The following ROBO1 variants were observed in gnomAD, a reference collection of about 807,000 sequenced individuals.
ROBO1 encodes roundabout homolog 1.
In ROBO1, 149 loss-of-function variants were observed where a neutral mutation model predicts 195.9. The ratio of observed to expected loss-of-function variants is 0.76; its 90% confidence interval spans 0.67 to 0.87. The LOEUF is 0.87. ROBO1 is among the 40% of genes least tolerant of loss of function. The pLI, the probability that ROBO1 is intolerant of heterozygous loss-of-function variation, is 0.00. For missense variants in ROBO1, 1,933 were observed against 2,068.3 expected, an observed-to-expected ratio of 0.93 and a Z score of 1.27; for synonymous variants, 816 against 733.2, an observed-to-expected ratio of 1.11 and a Z score of -1.82.
chr3:78,997,972 T>C (rs954729806), intron 3 of ROBO1, among the ~76,000 whole-genome samples: 2 of 152,292 alleles, frequency 1.3e-5, no homozygotes, highest in African/African-American at 4.8e-5. Context: ...TGTTTTAGTA[T>C]ATGTTGGACC....
At chr3:78,997,559 C>G (rs369617112) in intron 3 of ROBO1, among the ~76,000 whole-genome samples, 119 of 152,176 alleles carry the variant, frequency 7.8e-4, no homozygotes, top group African/African-American at 2.7e-3. Context: ...TCTAGGCACA[C>G]AGAGATCAAG....
intron 1 of ROBO1, among the ~76,000 whole-genome samples, chr3:79,713,884 G>A (rs1164482863): frequency 6.6e-6 from 1 of 152,088 alleles, no homozygotes; most frequent in Non-Finnish European, 1.5e-5. Context: ...TGTCAGGTTT[G>A]TCAGAGATCA....
chr3:78,720,917 C>T (rs1275734792), intron 5 of ROBO1, among the ~76,000 whole-genome samples: 6 of 145,098 alleles, frequency 4.1e-5, no homozygotes, highest in African/African-American at 1.1e-4. Context: ...ACACAGGAAG[C>T]GGAACATCAC....
chr3:79,288,559 A>G (rs2032033490), intron 2 of ROBO1, among the ~76,000 whole-genome samples: 1 of 152,180 alleles, frequency 6.6e-6, no homozygotes. Context: ...GCCCAGTTGC[A>G]ATCTTGGATA....
intron 4 of ROBO1, among the ~76,000 whole-genome samples, chr3:78,859,498 T>C (rs936072956): frequency 3.3e-5 from 5 of 152,132 alleles, no homozygotes; most frequent in African/African-American, 1.2e-4. Context: ...TTTTTGAATG[T>C]TGGTTGTTCA....
intron 2 of ROBO1, among the ~76,000 whole-genome samples, chr3:79,354,822 C>A (rs1157058392): frequency 6.6e-6 from 1 of 152,060 alleles, no homozygotes; most frequent in Non-Finnish European, 1.5e-5. Context: ...AATAATAACA[C>A]GTCAAGCCTA....
At chr3:78,751,276 G>C (rs561447034) in intron 4 of ROBO1, among the ~76,000 whole-genome samples, 1 of 151,692 alleles carries the variant, frequency 6.6e-6, no homozygotes, top group East Asian at 1.9e-4. Context: ...TCGGGGGAGA[G>C]GAGCATGCCA....
At chr3:78,678,457 A>G (rs919941773) in intron 10 of ROBO1, among the ~76,000 whole-genome samples, 9 of 152,348 alleles carry the variant, frequency 5.9e-5, no homozygotes, top group Middle Eastern at 3.4e-3. Flanking sequence ...AAGAGAGAAG[A>G]ATCAAATGGA....
chr3:79,026,934 G>A (rs967281345), intron 3 of ROBO1, among the ~76,000 whole-genome samples: 4 of 151,932 alleles, frequency 2.6e-5, no homozygotes, highest in Non-Finnish European at 5.9e-5. Flanking sequence ...TCCAATAAAT[G>A]TTTGTAGGAT....
At chr3:78,775,804 A>G (rs1218424057) in intron 4 of ROBO1, among the ~76,000 whole-genome samples, 1 of 152,222 alleles carries the variant, frequency 6.6e-6, no homozygotes, top group African/African-American at 2.4e-5. Flanking sequence ...CCTTTGATTG[A>G]AAACTGCTTT....
intron 3 of ROBO1, among the ~76,000 whole-genome samples, chr3:79,005,637 T>C (rs766550175): frequency 2.6e-5 from 4 of 152,196 alleles, no homozygotes; most frequent in Non-Finnish European, 5.9e-5. Context: ...CCAAATGTTA[T>C]TTTAGAAATA....
intron 1 of ROBO1, among the ~76,000 whole-genome samples, chr3:79,624,969 T>C (rs1441598694): frequency 6.6e-6 from 1 of 152,098 alleles, no homozygotes; most frequent in East Asian, 1.9e-4. Context: ...CCTCAACAAA[T>C]GCAAAAGAAC....
intron 4 of ROBO1, among the ~76,000 whole-genome samples, chr3:78,788,685 T>C (rs1392607008): frequency 6.6e-6 from 1 of 152,050 alleles, no homozygotes; most frequent in Non-Finnish European, 1.5e-5. Flanking sequence ...TTTTGATTTG[T>C]TTTGTTTTTT....
In ROBO1 at chr3:79,610,178, T is replaced by C. The variant is rs12634710; in HGVS notation, c.-50-20217A>G. ...CTCTCTTTATCCGTGGGGGATACAT[T>C]CCAGGATCCCCAGTGGATGCGCAAA... On this transcript the variant is annotated intron_variant, in intron 1 of 30. Coordinates refer to ENST00000464233, the MANE Select transcript of ROBO1 (RefSeq NM_002941.4). 3.4e-4 allele frequency among the ~76,000 whole-genome samples: 52 copies of C among 152,044 alleles called. 1 individual carries two copies. The East Asian group carries it at 9.3e-3, about 27-fold the overall frequency.
Position 79,291,303 on chromosome 3 carries a change from A to T in ROBO1, c.89-165764T>A, listed in dbSNP as rs190934143. 6.6e-4 allele frequency among the ~76,000 whole-genome samples: 100 copies of T among 152,226 alleles called. 1 individual carries two copies. The highest frequency in any genetic ancestry group is 5.9e-3 in the Admixed American group (90 of 15,272). On this transcript the variant is annotated intron_variant, in intron 2 of 30. Coordinates refer to ENST00000464233, the MANE Select transcript of ROBO1 (RefSeq NM_002941.4). ...CCCTAACTGGCACCTAATCATAGTA[A>T]ACTGGATCGTTCACAATATAACCAA... is the stretch of plus-strand genomic sequence containing the variant.
intron 4 of ROBO1, among the ~76,000 whole-genome samples, chr3:78,871,102 C>A (rs1046390221): frequency 1.3e-5 from 2 of 152,088 alleles, no homozygotes; most frequent in Admixed American, 1.3e-4. Flanking sequence ...TTAAGAAAAC[C>A]TGCACTTGCT....
intron 3 of ROBO1, among the ~76,000 whole-genome samples, chr3:78,953,021 T>C (rs1056313464): frequency 2.6e-5 from 4 of 152,062 alleles, no homozygotes; most frequent in African/African-American, 9.7e-5. Context: ...CTAAAGAATC[T>C]AATATCGTAT....
chr3:79,182,326 G>A (rs1290319200), intron 2 of ROBO1, among the ~76,000 whole-genome samples: 1 of 152,134 alleles, frequency 6.6e-6, no homozygotes, highest in East Asian at 1.9e-4. Context: ...TGACTGCCAA[G>A]CTCCAGAAAC....
chr3:79,238,179 C>T (rs1252981700), intron 2 of ROBO1, among the ~76,000 whole-genome samples: 2 of 152,090 alleles, frequency 1.3e-5, no homozygotes, highest in Non-Finnish European at 2.9e-5. Context: ...TTTTCAATTC[C>T]TTTTGAGTAT....
Sources: gnomAD v4.1 joint callset for allele counts (sites outside exome capture counted in the v4.1 genomes callset) on GRCh38, gnomAD v4.1.1 for gene constraint, MANE v1.5 for transcripts, NCBI Gene and HGNC (gene_info 2026-07-23, HGNC 2026-07-21) for gene names.